The following ENPP7 variants were observed in gnomAD, a reference collection of about 807,000 sequenced individuals.
The protein encoded by ENPP7 is ectonucleotide pyrophosphatase/phosphodiesterase family member 7.
Under a neutral mutation model 33.6 loss-of-function variants are expected in ENPP7, and 39 were observed. That is an observed-to-expected ratio of 1.16 (90% CI 0.90 to 1.52). The LOEUF (loss-of-function observed/expected upper bound fraction) is 1.52, where lower values mean the gene tolerates loss of function less well. Ranked by LOEUF, ENPP7 falls within the 40% of genes most tolerant of loss-of-function variation. The probability of loss-of-function intolerance (pLI) is 0.00; values close to 1 mark genes in which losing one functional copy is unlikely to be tolerated. For synonymous variants in ENPP7, 244 were observed against 274.3 expected, an observed-to-expected ratio of 0.89 and a Z score of 1.09; for missense variants, 594 against 641.0, an observed-to-expected ratio of 0.93 and a Z score of 0.79.
intron 1 of ENPP7, among the ~76,000 whole-genome samples, chr17:79,733,269 G>A (rs12449776): frequency 0.077 from 11,673 of 152,270 alleles, 857 homozygotes; most frequent in East Asian, 0.4. Flanking sequence ...GTGGAAGTGC[G>A]ATTGCTAAAA....
At position 79,737,357 on chromosome 17, in the gene ENPP7, C is replaced by T; in HGVS notation, c.1246+97C>T. 1 of 966,392 alleles carries T rather than the reference C, an allele frequency of 1.0e-6. No individual in the cohort carries two copies. Among genetic ancestry groups the T allele is most frequent in the South Asian group, 1.5e-5 (1 of 67,312 alleles). 59.9% of individuals were successfully genotyped at this position (966,392 alleles called of 1,614,324 possible). A position where few individuals can be genotyped will look rare whatever the true frequency, so the allele number is the denominator to read the frequency against. The stretch of plus-strand genomic sequence containing the variant: ...CCTGTGACCAGGACACCCTTGAGCC[C>T]CAAGTGGGGCCACCTCCCCTGGCTT... On this transcript the variant is annotated intron_variant, in intron 4 of 5. Transcript: ENST00000328313. The surrounding 1 kb of genome is among the most constrained non-coding windows in gnomAD (Gnocchi z 5.5).
chr17:79,733,841 A>C (rs113793174), intron 2 of ENPP7, among the ~76,000 whole-genome samples, 188 bp downstream of exon 2: 7 of 152,068 alleles, frequency 4.6e-5, no homozygotes, highest in Non-Finnish European at 8.8e-5. Flanking sequence ...GGTGCTGGTG[A>C]GGACTAACCA....
chr17:79,732,957 T>C (rs546777206), intron 1 of ENPP7, among the ~76,000 whole-genome samples: 1 of 152,230 alleles, frequency 6.6e-6, no homozygotes. Context: ...GTATCGCAGA[T>C]GAGGACGGGA....
chr17:79,735,638 T>C lies in ENPP7; in HGVS notation c.995T>C (p.Met332Thr), dbSNP rs1555823452. The C allele has an allele frequency of 3.1e-6, 5 of 1,611,962 alleles. No individual in the cohort carries two copies. Among genetic ancestry groups the C allele is most frequent in the South Asian group, 1.1e-5 (1 of 91,058 alleles). ...ANNPRVTPLL[M>T]YSDLGYVIHG... Reference sequence around the variant, plus strand: ...AACCCCAGGGTCACACCCCTGCTGATGTACAGCGACCTTGGCTACGTCATC... The same window carrying C: ...AACCCCAGGGTCACACCCCTGCTGACGTACAGCGACCTTGGCTACGTCATC... The change falls in exon 3 of 6, where the codon ATG becomes ACG. Residue 332 changes from methionine to threonine, a missense_variant. Around this residue, in one of 3 missense-constraint regions of ENPP7, gnomAD observed 504 missense variants for 512.8 expected, o/e 0.98. Transcript: ENST00000328313. This position sits in a 1 kb window ranked among gnomAD's most constrained non-coding sequence, Gnocchi z 5.5.
intron 1 of ENPP7, among the ~76,000 whole-genome samples, chr17:79,732,424 C>T (rs1430444179): frequency 2.6e-5 from 4 of 152,030 alleles, no homozygotes; most frequent in Admixed American, 6.6e-5. Context: ...TGTCCCAGGG[C>T]GCCTGCAACA....
At chr17:79,731,743 C>T (rs2094285902) in intron 1 of ENPP7, among the ~76,000 whole-genome samples, 2 of 152,200 alleles carry the variant, frequency 1.3e-5, no homozygotes, top group Admixed American at 1.3e-4. Flanking sequence ...CCATTTTCCA[C>T]CCAACACCTC....
chr17:79,741,099 C>G (rs1366561444), intron 5 of ENPP7, among the ~76,000 whole-genome samples: 1 of 152,198 alleles, frequency 6.6e-6, no homozygotes, highest in East Asian at 1.9e-4. Flanking sequence ...ATCCTCCCAT[C>G]TCAGCCTCCT....
In ENPP7 at chr17:79,738,086, C is replaced by T. The variant is rs782563186; in HGVS notation, c.*16+24C>T. ...AGGTCAGAGACCCAGAAGGCAGAGGCGGGAGGGTGGCCCCACGCTCCCTGA... is the reference window on the plus strand; with the variant it reads ...AGGTCAGAGACCCAGAAGGCAGAGGTGGGAGGGTGGCCCCACGCTCCCTGA... On this transcript the variant is annotated intron_variant, in intron 5 of 5. Coordinates refer to ENST00000328313, the MANE Select transcript of ENPP7 (RefSeq NM_178543.5). The surrounding 1 kb of genome is among the most constrained non-coding windows in gnomAD (Gnocchi z 6.2). 10 of 1,597,878 alleles carry T rather than the reference C, an allele frequency of 6.3e-6. No homozygotes were observed. The highest frequency in any genetic ancestry group is 1.3e-5 in the African/African-American group (1 of 74,802).
At position 79,735,573 on chromosome 17, in the gene ENPP7, C is replaced by T. The variant is rs781951375; in HGVS notation, c.930C>T (p.Tyr310=). The T allele has an allele frequency of 7.4e-6, 12 of 1,613,932 alleles. No individual in the cohort carries two copies. The highest frequency in any genetic ancestry group is 9.3e-6 in the Non-Finnish European group (11 of 1,180,020). Residue 310 remains tyrosine (Y), a synonymous_variant, in exon 3 of 6, where the codon TAC becomes TAT. Transcript: ENST00000328313. This position sits in a 1 kb window ranked among gnomAD's most constrained non-coding sequence, Gnocchi z 5.5. The stretch of plus-strand genomic sequence containing the variant: ...ACGCCCACCCCAAGCTCCACGTCTA[C>T]AAGAAGGAGGCGTTCCCCGAGGCCT... ...LKDAHPKLHV[Y]KKEAFPEAFH...
chr17:79,735,465 G>A lies in ENPP7; in HGVS notation c.822G>A (p.Glu274=). 6.2e-7 allele frequency: 1 copy of A among 1,614,112 alleles called. No homozygotes were observed. The change falls in exon 3 of 6, where the codon GAG becomes GAA. Residue 274 remains glutamate, a synonymous_variant. Coordinates refer to ENST00000328313, the MANE Select transcript of ENPP7 (RefSeq NM_178543.5). This position sits in a 1 kb window ranked among gnomAD's most constrained non-coding sequence, Gnocchi z 5.5. ...CCAACTTCACCTTCCGGGACATCGA[G>A]TTTGAGCTCCTGGACTACGGACCAA... is the stretch of plus-strand genomic sequence containing the variant. ...KFPNFTFRDI[E]FELLDYGPNG... is the part of the protein sequence containing the mutation.
At position 79,738,173 on chromosome 17, in the gene ENPP7, C is replaced by T; in HGVS notation, c.*16+111C>T. On this transcript the variant is annotated intron_variant, in intron 5 of 5. Transcript: ENST00000328313. The surrounding 1 kb of genome is among the most constrained non-coding windows in gnomAD (Gnocchi z 6.2). Reference sequence around the variant, plus strand: ...ACCAGAACAGAGCTGCCAGGCCCCGCCAAGCAGGTGACTCCCACTGACCTG... The same window carrying T: ...ACCAGAACAGAGCTGCCAGGCCCCGTCAAGCAGGTGACTCCCACTGACCTG... 2 of 1,161,860 alleles carry T rather than the reference C, an allele frequency of 1.7e-6. No individual in the cohort carries two copies. The highest frequency in any genetic ancestry group is 2.4e-6 in the Non-Finnish European group (2 of 819,134). The allele number at this position is 1,161,860 out of a possible 1,614,324, so 72.0% of individuals were successfully genotyped here. A position where few individuals can be genotyped will look rare whatever the true frequency, so the allele number is the denominator to read the frequency against.
Position 79,731,061 on chromosome 17 carries a change from G to A in ENPP7, c.-79G>A, listed in dbSNP as rs1489891072. The A allele has an allele frequency of 2.7e-6, 4 of 1,460,996 alleles. No homozygotes were observed. The highest frequency in any genetic ancestry group is 2.4e-5 in the East Asian group (1 of 41,620). 90.5% of individuals were successfully genotyped at this position (1,460,996 alleles called of 1,614,324 possible). On this transcript the variant is annotated 5_prime_UTR_variant, in exon 1 of 6. Coordinates refer to ENST00000328313, the MANE Select transcript of ENPP7 (RefSeq NM_178543.5). ...AGGCGCACGGGATGAGATCAGCCCG[G>A]GTGACCCTGGGACTTTGTCCTCCTC... is the stretch of plus-strand genomic sequence containing the variant.
Position 79,738,417 on chromosome 17 carries a change from C to T in ENPP7, c.*16+355C>T, listed in dbSNP as rs1413784254. 2 of 233,268 alleles carry T rather than the reference C, an allele frequency of 8.6e-6. No homozygotes were observed. The highest frequency in any genetic ancestry group is 2.2e-5 in the African/African-American group (1 of 45,488). 14.4% of individuals were successfully genotyped at this position (233,268 alleles called of 1,614,324 possible). A position where few individuals can be genotyped will look rare whatever the true frequency, so the allele number is the denominator to read the frequency against. Reference sequence around the variant, plus strand: ...TGCTCCACTGGGATAGCTCGGAAACCGTCACCTGCGGTGCATTTGGGAGGA... The same window carrying T: ...TGCTCCACTGGGATAGCTCGGAAACTGTCACCTGCGGTGCATTTGGGAGGA... On this transcript the variant is annotated intron_variant, in intron 5 of 5. Transcript: ENST00000328313. The surrounding 1 kb of genome is among the most constrained non-coding windows in gnomAD (Gnocchi z 6.2).
Position 79,731,223 on chromosome 17 carries a change from C to A in ENPP7, c.84C>A (p.Gly28=). Residue 28 remains glycine (G), a synonymous_variant, in exon 1 of 6, where the codon GGC becomes GGA. Transcript: ENST00000328313. ...PGAGAPVQSQ[G]SQNKLLLVSF... is the part of the protein sequence containing the mutation. Reference sequence around the variant, plus strand: ...CCGGAGCACCGGTACAAAGTCAGGGCTCCCAGAACAAGCTGCTCCTGGTGT... The same window carrying A: ...CCGGAGCACCGGTACAAAGTCAGGGATCCCAGAACAAGCTGCTCCTGGTGT... 4 of 1,612,844 alleles carry A rather than the reference C, an allele frequency of 2.5e-6. No individual in the cohort carries two copies. The highest frequency in any genetic ancestry group is 3.4e-6 in the Non-Finnish European group (4 of 1,179,960).
In ENPP7 at chr17:79,735,606, C is replaced by A. The variant is rs78553282; in HGVS notation, c.963C>A (p.Tyr321Ter). Residue 321 changes from tyrosine (Y) to a stop codon, truncating the protein, a stop_gained, in exon 3 of 6, where the codon TAC becomes TAA. Transcript: ENST00000328313. LOFTEE classifies it high-confidence loss of function. The surrounding 1 kb of genome is among the most constrained non-coding windows in gnomAD (Gnocchi z 5.5). Reference sequence around the variant, plus strand: ...AGGCGTTCCCCGAGGCCTTCCACTACGCCAACAACCCCAGGGTCACACCCC... The same window carrying A: ...AGGCGTTCCCCGAGGCCTTCCACTAAGCCAACAACCCCAGGGTCACACCCC... ...KKEAFPEAFH[Y>*]ANNPRVTPLL... 3.1e-6 allele frequency: 5 copies of A among 1,613,708 alleles called. No homozygotes were observed. The African/African-American group carries it at 5.3e-5, about 17-fold the overall frequency.
In ENPP7 at chr17:79,737,452, C is replaced by T. The variant is rs147002317; in HGVS notation, c.1246+192C>T. Among the ~76,000 whole-genome samples the T allele has an allele frequency of 7.7e-3, 1,171 of 152,308 alleles. 10 individuals are homozygous for T. The highest frequency in any genetic ancestry group is 0.024 in the Middle Eastern group (7 of 294). On this transcript the variant is annotated intron_variant, in intron 4 of 5. Coordinates refer to ENST00000328313, the MANE Select transcript of ENPP7 (RefSeq NM_178543.5). The surrounding 1 kb of genome is among the most constrained non-coding windows in gnomAD (Gnocchi z 5.5). ...TCACGAGCACCTCATGCATCTCGGGCGGCACGAGAGGGCGAGGGGGAGGAG... is the reference window on the plus strand; with the variant it reads ...TCACGAGCACCTCATGCATCTCGGGTGGCACGAGAGGGCGAGGGGGAGGAG...
Position 79,735,268 on chromosome 17 carries a change from T to C in ENPP7, c.625T>C (p.Ser209Pro), listed in dbSNP as rs1328610730. 6.8e-6 allele frequency: 11 copies of C among 1,613,064 alleles called. No individual in the cohort carries two copies. In the African/African-American group the frequency reaches 1.5e-4, roughly 22 times the overall value. Residue 209 changes from serine to proline, a missense_variant, in exon 3 of 6, where the codon TCC (serine) becomes CCC (proline). Ser to Pro is a moderately conservative substitution (Grantham distance 74). Around this residue, in one of 3 missense-constraint regions of ENPP7, gnomAD observed 504 missense variants for 512.8 expected, o/e 0.98. Transcript: ENST00000328313. The surrounding 1 kb of genome is among the most constrained non-coding windows in gnomAD (Gnocchi z 5.5). ...CACGGGCCACAGGTACGGCCCCGAG[T>C]CCCCGGAGAGGAGGGAGATGGTGCG... The part of the protein sequence containing the change: ...DSTGHRYGPE[S>P]PERREMVRQV...
intron 3 of ENPP7, 151 bp from the exon 4 acceptor site, chr17:79,736,890 G>A (rs958180818): frequency 1.6e-6 from 1 of 641,856 alleles, no homozygotes; most frequent in South Asian, 1.8e-5. Context: ...ATCTTTGGAG[G>A]CTCAGAATTC....
chr17:79,735,703 G>T lies in ENPP7; in HGVS notation c.1026+34G>T, dbSNP rs2094294488. On this transcript the variant is annotated intron_variant, in intron 3 of 5. Coordinates refer to ENST00000328313, the MANE Select transcript of ENPP7 (RefSeq NM_178543.5). The surrounding 1 kb of genome is among the most constrained non-coding windows in gnomAD (Gnocchi z 5.5). ...CCTGCTGGAGGCACCACCTCCAGGGGCTCCCTCCCCAGGCTCTGGGTCTTC... is the reference window on the plus strand; with the variant it reads ...CCTGCTGGAGGCACCACCTCCAGGGTCTCCCTCCCCAGGCTCTGGGTCTTC... 6.4e-7 allele frequency: 1 copy of T among 1,569,218 alleles called. No individual in the cohort carries two copies. The highest frequency in any genetic ancestry group is 8.6e-7 in the Non-Finnish European group (1 of 1,158,218).
Sources: allele counts gnomAD v4.1 joint callset (sites outside exome capture counted in the v4.1 genomes callset), GRCh38; gene constraint gnomAD v4.1.1; regional missense constraint gnomAD v4.1.1; non-coding constraint Gnocchi (gnomAD v3.1); transcripts MANE v1.5; gene names NCBI Gene and HGNC (gene_info 2026-07-23, HGNC 2026-07-21).